The following DOCK4 variants were observed in gnomAD, a reference collection of about 807,000 sequenced individuals.
DOCK4 encodes the protein dedicator of cytokinesis 4.
A neutral mutation model predicts 268.1 loss-of-function variants in DOCK4; 97 were observed. The ratio of observed to expected loss-of-function variants is 0.36; its 90% CI spans 0.31 to 0.43. The LOEUF (loss-of-function observed/expected upper bound fraction) is 0.43, where lower values mean the gene tolerates loss of function less well. Ranked by LOEUF, DOCK4 falls within the 20% of genes least tolerant of loss-of-function variation. DOCK4 has a pLI of 1.00. For missense variants in DOCK4, 2,145 were observed against 2,455.7 expected (o/e 0.87, Z 2.67); for synonymous variants, 954 against 887.2 (o/e 1.08, Z -1.34).
At chr7:111,761,695 G>A (rs1286849256) in intron 39 of DOCK4, among the ~76,000 whole-genome samples, 1 of 152,124 alleles carries the variant, frequency 6.6e-6, no homozygotes, top group Non-Finnish European at 1.5e-5. Context: ...TCTTCCGCAG[G>A]GAAAGGGCAG....
intron 1 of DOCK4, among the ~76,000 whole-genome samples, chr7:112,121,597 A>G (rs1350275302): frequency 6.6e-6 from 1 of 152,188 alleles, no homozygotes; most frequent in African/African-American, 2.4e-5. Flanking sequence ...ACCCTTGTTC[A>G]GGAAATCTTC....
chr7:112,198,137 G>A (rs1227504698), intron 1 of DOCK4, among the ~76,000 whole-genome samples: 1 of 152,048 alleles, frequency 6.6e-6, no homozygotes, highest in East Asian at 1.9e-4. Context: ...TTGGAGATGG[G>A]GGACTTGGGG....
chr7:112,081,468 T>C (rs1808578351), intron 1 of DOCK4, among the ~76,000 whole-genome samples: 1 of 152,104 alleles, frequency 6.6e-6, no homozygotes, highest in African/African-American at 2.4e-5. Context: ...AAAGTGCAGA[T>C]GAACACTCAT....
At chr7:112,090,944 C>A (rs1809566764) in intron 1 of DOCK4, among the ~76,000 whole-genome samples, 1 of 152,120 alleles carries the variant, frequency 6.6e-6, no homozygotes, top group Non-Finnish European at 1.5e-5. Flanking sequence ...TAGGCAGGGA[C>A]CCCCTGACTC....
chr7:112,196,229 T>C lies in DOCK4; in HGVS notation c.37+9873A>G, dbSNP rs184868497. Among the ~76,000 whole-genome samples, 5 of 152,286 alleles carry C rather than the reference T, an allele frequency of 3.3e-5. No individual in the cohort carries two copies. In the East Asian group the frequency reaches 5.8e-4, roughly 18 times the overall value. On this transcript the variant is annotated intron_variant, in intron 1 of 52. Transcript: ENST00000428084. ...CAGATCTGCGTTCAAGGCTAGTTGA[T>C]GTGTACAGCTCCAAGCCAGGTTCCC...
chr7:111,889,334 T>C (rs1271928544), intron 16 of DOCK4, among the ~76,000 whole-genome samples: 2 of 152,106 alleles, frequency 1.3e-5, no homozygotes, highest in Non-Finnish European at 2.9e-5. Context: ...ATTTATAGAT[T>C]ATGGTTATAG....
chr7:112,005,469 C>A (rs566364645), intron 1 of DOCK4, among the ~76,000 whole-genome samples: 15 of 152,314 alleles, frequency 9.8e-5, no homozygotes, highest in Admixed American at 3.9e-4. Flanking sequence ...TTTATGATAT[C>A]ATTTTCTAAC....
intron 1 of DOCK4, among the ~76,000 whole-genome samples, chr7:112,106,701 T>C (rs1315885219): frequency 6.6e-6 from 1 of 152,228 alleles, no homozygotes; most frequent in Non-Finnish European, 1.5e-5. Flanking sequence ...ATGAATTGGC[T>C]TGTTACATCC....
At chr7:112,082,035 T>G (rs924952373) in intron 1 of DOCK4, among the ~76,000 whole-genome samples, 31 of 132,922 alleles carry the variant, frequency 2.3e-4, no homozygotes, top group African/African-American at 1.1e-3. Flanking sequence ...GTCATCAGAG[T>G]ACCTACGCTG....
chr7:112,029,330 A>G (rs955483895), intron 1 of DOCK4, among the ~76,000 whole-genome samples: 2 of 152,222 alleles, frequency 1.3e-5, no homozygotes, highest in Non-Finnish European at 2.9e-5. Context: ...AACCCTAGAG[A>G]AGAAAGAATG....
At position 112,206,240 on chromosome 7, in the gene DOCK4, C is replaced by T; in HGVS notation, c.-102G>A. ...CGAGCAGCGCTGCAGTGCCGGAGCC[C>T]AGCGGCTTCGCGCGGGCTGCGGGCG... On this transcript the variant is annotated 5_prime_UTR_variant, in exon 1 of 53. Coordinates refer to ENST00000428084, the MANE Select transcript of DOCK4 (RefSeq NM_001363540.2). The T allele has an allele frequency of 7.3e-7, 1 of 1,361,574 alleles. No individual in the cohort carries two copies. The highest frequency in any genetic ancestry group is 2.2e-5 in the Admixed American group (1 of 46,418). The allele number at this position is 1,361,574 out of a possible 1,614,324, so 84.3% of individuals were successfully genotyped here. A position where few individuals can be genotyped will look rare whatever the true frequency, so the allele number is the denominator to read the frequency against.
At chr7:112,164,574 C>G (rs926839513) in intron 1 of DOCK4, among the ~76,000 whole-genome samples, 2 of 152,196 alleles carry the variant, frequency 1.3e-5, no homozygotes, top group Non-Finnish European at 2.9e-5. Flanking sequence ...ACACACACGA[C>G]TTTGTGTTCT....
intron 7 of DOCK4, among the ~76,000 whole-genome samples, chr7:111,980,965 T>C (rs1003742516): frequency 1.3e-5 from 2 of 152,234 alleles, no homozygotes; most frequent in African/African-American, 4.8e-5. Context: ...AATATCTAAG[T>C]GGACATATGC....
chr7:112,121,771 T>C (rs1214862438), intron 1 of DOCK4, among the ~76,000 whole-genome samples: 4 of 152,356 alleles, frequency 2.6e-5, no homozygotes, highest in African/African-American at 9.6e-5. Context: ...GGTTTCCTTT[T>C]ATTCTTCTTT....
chr7:112,032,677 T>C (rs1186432019), intron 1 of DOCK4, among the ~76,000 whole-genome samples: 3 of 152,220 alleles, frequency 2.0e-5, no homozygotes, highest in South Asian at 2.1e-4. Context: ...AGATTTTATT[T>C]CCAGCCATAT....
intron 1 of DOCK4, among the ~76,000 whole-genome samples, chr7:112,007,207 T>C (rs57160494): frequency 0.032 from 4,840 of 152,208 alleles, 295 homozygotes; most frequent in East Asian, 0.26. Flanking sequence ...CACATAATAT[T>C]ACAGCACTTC....
Position 111,998,935 on chromosome 7 carries a change from CA to C in DOCK4, c.163-433del, listed in dbSNP as rs1489181862. ...CATATTTCTCTTGAAAATATACATACAAAAAATATCACTGCAAATTTAGAGA... is the reference window on the plus strand; with the variant it reads ...CATATTTCTCTTGAAAATATACATACAAAAATATCACTGCAAATTTAGAGA... On this transcript the variant is annotated intron_variant, in intron 3 of 52. Coordinates refer to ENST00000428084, the MANE Select transcript of DOCK4 (RefSeq NM_001363540.2). Among the ~76,000 whole-genome samples, 5 of 151,908 alleles carry C rather than the reference CA, an allele frequency of 3.3e-5. No individual in the cohort carries two copies. In the East Asian group the frequency reaches 7.7e-4, roughly 23 times the overall value.
At chr7:111,943,836 G>C (rs184655490) in intron 10 of DOCK4, among the ~76,000 whole-genome samples, 9 of 152,196 alleles carry the variant, frequency 5.9e-5, no homozygotes. Flanking sequence ...GGGAATAAAA[G>C]TATGTTTTTT....
At chr7:111,922,246 G>C (rs1793203834) in intron 12 of DOCK4, among the ~76,000 whole-genome samples, 1 of 152,056 alleles carries the variant, frequency 6.6e-6, no homozygotes, top group Non-Finnish European at 1.5e-5. Flanking sequence ...CAAATATCAT[G>C]ATTTTTGTTT....
Sources: gnomAD v4.1 joint callset for allele counts (sites outside exome capture counted in the v4.1 genomes callset) on GRCh38, gnomAD v4.1.1 for gene constraint, MANE v1.5 for transcripts, NCBI Gene and HGNC (gene_info 2026-07-23, HGNC 2026-07-21) for gene names.